Variants in GREB1L observed in about 807,000 individuals in gnomAD.
GREB1L encodes GREB1-like protein.
In GREB1L, 17 loss-of-function variants were observed where a neutral mutation model predicts 200.8. That is an observed-to-expected ratio of 0.08 (90% CI 0.06 to 0.13). The LOEUF is 0.13. GREB1L is among the 10% of genes least tolerant of loss of function. The probability of loss-of-function intolerance (pLI) is 1.00; values close to 1 mark genes in which losing one functional copy is unlikely to be tolerated. For synonymous variants in GREB1L, 789 were observed against 893.0 expected, an observed-to-expected ratio of 0.88 and a Z score of 2.08; for missense variants, 1,657 against 2,367.7, an observed-to-expected ratio of 0.70 and a Z score of 6.23.
intron 23 of GREB1L, among the ~76,000 whole-genome samples, chr18:21,504,704 C>G (rs1245331413): frequency 6.6e-6 from 1 of 152,158 alleles, no homozygotes; most frequent in Non-Finnish European, 1.5e-5. Context: ...TGGCACGTGC[C>G]TGTAGTCCCA....
At chr18:21,325,861 C>T (rs1172334023) in intron 1 of GREB1L, among the ~76,000 whole-genome samples, 3 of 144,608 alleles carry the variant, frequency 2.1e-5, no homozygotes, top group African/African-American at 7.6e-5. Context: ...TCCCAGACTA[C>T]GGGGTTCACA....
chr18:21,502,381 A>G (rs2036834758), intron 23 of GREB1L, among the ~76,000 whole-genome samples: 1 of 152,170 alleles, frequency 6.6e-6, no homozygotes, highest in Non-Finnish European at 1.5e-5. Context: ...GTTCCTCTCA[A>G]GCCTCTCAAA....
At chr18:21,440,441 A>G in intron 9 of GREB1L, 53 bp downstream of exon 9, 1 of 1,469,088 alleles carries the variant, frequency 6.8e-7, no homozygotes, top group Non-Finnish European at 9.3e-7. Flanking sequence ...TAGCAGAGAT[A>G]TCTTCTACTT....
chr18:21,377,738 C>T (rs9964934), intron 2 of GREB1L, among the ~76,000 whole-genome samples: 2,041 of 151,906 alleles, frequency 0.013, 46 homozygotes, highest in African/African-American at 0.047. Context: ...CTTCATGGAC[C>T]ATCTCTACTA....
chr18:21,483,676 T>C (rs1366721793), intron 17 of GREB1L, among the ~76,000 whole-genome samples: 1 of 152,074 alleles, frequency 6.6e-6, no homozygotes, highest in Non-Finnish European at 1.5e-5. Flanking sequence ...TTTAGATGGT[T>C]ACTGAAAAGC....
chr18:21,394,971 GCGCACA>G, intron 4 of GREB1L, among the ~76,000 whole-genome samples: 1 of 150,108 alleles, frequency 6.7e-6, no homozygotes, highest in East Asian at 2.0e-4. Flanking sequence ...GGGTGTGGTG[GCGCACA>G]CGCCTGTAAT....
At chr18:21,451,221 C>T (rs866872638) in intron 13 of GREB1L, 70 bp downstream of exon 13, 3 of 1,489,642 alleles carry the variant, frequency 2.0e-6, no homozygotes, top group Middle Eastern at 1.9e-4. Context: ...TAAATCTTAG[C>T]CTGTCAAGAT....
rs2036556753 is a variant in GREB1L at position 21,496,637 on chromosome 18, T to C, written c.3330T>C (p.Asp1110=). ...ERAAVSENDS[D]ELLIDLERPQ... Reference sequence around the variant, plus strand: ...CTGCTGTCAGTGAGAATGACTCCGATGAGCTGCTCATCGACCTGGAGCGGC... The same window carrying C: ...CTGCTGTCAGTGAGAATGACTCCGACGAGCTGCTCATCGACCTGGAGCGGC... Residue 1110 remains aspartate (D), a synonymous_variant, in exon 21 of 33, where the codon GAT becomes GAC. Transcript: ENST00000424526. 6.4e-7 allele frequency: 1 copy of C among 1,551,486 alleles called. No individual in the cohort carries two copies. The highest frequency in any genetic ancestry group is 1.4e-5 in the African/African-American group (1 of 73,038).
At chr18:21,502,880 C>T (rs2036855917) in intron 23 of GREB1L, among the ~76,000 whole-genome samples, 2 of 152,200 alleles carry the variant, frequency 1.3e-5, no homozygotes, top group South Asian at 4.1e-4. Context: ...TTGACTCTTA[C>T]TCTGTGCCGG....
rs1230300292 is a variant in GREB1L at position 21,518,126 on chromosome 18, C to T, written c.5364C>T (p.Leu1788=). The change falls in exon 31 of 33, where the codon CTC becomes CTT. Residue 1788 remains leucine, a synonymous_variant. Transcript: ENST00000424526. ...TACTGGCAGCCCCTGCACAGTTTCT[C>T]CTGGAGAAATTCCTTCAGCACGCCT... The part of the protein sequence containing the change: ...HTLLAAPAQF[L]LEKFLQHASY... 2 of 1,551,546 alleles carry T rather than the reference C, an allele frequency of 1.3e-6. No individual in the cohort carries two copies.
intron 1 of GREB1L, among the ~76,000 whole-genome samples, chr18:21,289,998 A>C (rs2038421414): frequency 6.6e-6 from 1 of 152,232 alleles, no homozygotes. Flanking sequence ...ACTGTAAAAG[A>C]TGAGACTCCT....
rs1195741117 is a variant in GREB1L at position 21,449,639 on chromosome 18, C to A, written c.1523C>A (p.Pro508His). 3.2e-6 allele frequency: 5 copies of A among 1,551,650 alleles called. No homozygotes were observed. The highest frequency in any genetic ancestry group is 4.4e-6 in the Non-Finnish European group (5 of 1,146,964). The change falls in exon 12 of 33, where the codon CCC (proline) becomes CAC (histidine). Residue 508 changes from proline (P) to histidine (H), a missense_variant. This residue lies in a region of GREB1L where 289 missense variants were observed against 345.1 expected (regional missense o/e 0.84). Coordinates refer to ENST00000424526, the MANE Select transcript of GREB1L (RefSeq NM_001142966.3). Reference sequence around the variant, plus strand: ...GTCCCTGTGTCACCAGGACAACTCCCCTGGCTTGCTAGATTAATTGCCAGC... The same window carrying A: ...GTCCCTGTGTCACCAGGACAACTCCACTGGCTTGCTAGATTAATTGCCAGC... The part of the protein sequence containing the change: ...QCVPVSPGQL[P>H]WLARLIASVS...
At chr18:21,441,732 C>T (rs2033914954) in intron 10 of GREB1L, among the ~76,000 whole-genome samples, 195 bp downstream of exon 10, 1 of 152,150 alleles carries the variant, frequency 6.6e-6, no homozygotes, top group African/African-American at 2.4e-5. Flanking sequence ...TTTTTGCCCT[C>T]AAGGAGCACT....
chr18:21,334,346 T>C (rs1234079563), intron 1 of GREB1L, among the ~76,000 whole-genome samples: 1 of 152,156 alleles, frequency 6.6e-6, no homozygotes, highest in Non-Finnish European at 1.5e-5. Context: ...TAAACTTTAT[T>C]ATCAGTTCCA....
chr18:21,399,465 A>ATGGT (rs1483136653), intron 5 of GREB1L, among the ~76,000 whole-genome samples: 1 of 151,062 alleles, frequency 6.6e-6, no homozygotes, highest in Non-Finnish European at 1.5e-5. Flanking sequence ...GGATGGATGG[A>ATGGT]TGGATGGATG....
chr18:21,493,619 C>T (rs938126610), intron 19 of GREB1L, among the ~76,000 whole-genome samples: 2 of 152,114 alleles, frequency 1.3e-5, no homozygotes, highest in Non-Finnish European at 1.5e-5. Context: ...ATAATCCCAG[C>T]ACTTTGGGAG....
chr18:21,485,858 C>CAA, intron 18 of GREB1L, 105 bp downstream of exon 18: 10 of 1,116,840 alleles, frequency 9.0e-6, no homozygotes, highest in Non-Finnish European at 1.2e-5. Context: ...TGATGGAGCC[C>CAA]TTGCAGATGA....
At chr18:21,491,946 C>T (rs2036354142) in intron 19 of GREB1L, among the ~76,000 whole-genome samples, 1 of 152,024 alleles carries the variant, frequency 6.6e-6, no homozygotes. Context: ...GACTACATTA[C>T]AGTGGAATTC....
chr18:21,401,382 A>G, intron 6 of GREB1L, 56 bp downstream of exon 6: 1 of 1,385,138 alleles, frequency 7.2e-7, no homozygotes, highest in Non-Finnish European at 9.9e-7. Context: ...GGTGGTGACA[A>G]GTGACCCATA....
Sources: gnomAD v4.1 joint callset for allele counts (sites outside exome capture counted in the v4.1 genomes callset) on GRCh38, gnomAD v4.1.1 for gene constraint, gnomAD v4.1.1 regional missense constraint, MANE v1.5 for transcripts, NCBI Gene and HGNC (gene_info 2026-07-23, HGNC 2026-07-21) for gene names.